The following CLK1 variants were observed in gnomAD, a reference collection of about 807,000 sequenced individuals.
The protein encoded by CLK1 is dual specificity protein kinase CLK1.
In CLK1, 40 loss-of-function variants were observed where a neutral mutation model predicts 60.9. The ratio of observed to expected loss-of-function variants is 0.66; its 90% confidence interval spans 0.51 to 0.86. The LOEUF is 0.86. Among genes scored for constraint, CLK1 ranks in the 40% least tolerant of loss-of-function variants. The probability of loss-of-function intolerance (pLI) is 0.00; values close to 1 mark genes in which losing one functional copy is unlikely to be tolerated. For synonymous variants in CLK1, 203 were observed against 184.4 expected (o/e 1.10, Z -0.82); for missense variants, 563 against 606.1 (o/e 0.93, Z 0.75).
chr2:200,861,572 A>T (rs2039139544), intron 2 of CLK1, 106 bp from the exon 3 acceptor site: 1 of 1,554,210 alleles, frequency 6.4e-7, no homozygotes, highest in Admixed American at 1.9e-5. Context: ...TAATTTTACA[A>T]ACATTACAAA....
chr2:200,864,140 A>C, intron 1 of CLK1: 2 of 1,551,434 alleles, frequency 1.3e-6, no homozygotes, highest in Non-Finnish European at 1.7e-6. Context: ...GCTCACGCAC[A>C]TTCTGGAACC....
Position 200,854,982 on chromosome 2 carries a change from GAAAT to G in CLK1, c.1140+18_1140+21del. ...CACCTTTCTTGTGCAAAGCAAGGTTGAAATAGATCATTGTCACTTACTGGAAATA... is the reference window on the plus strand; with the variant it reads ...CACCTTTCTTGTGCAAAGCAAGGTTGAGATCATTGTCACTTACTGGAAATA... On this transcript the variant is annotated intron_variant, in intron 10 of 12. Coordinates refer to ENST00000321356, the MANE Select transcript of CLK1 (RefSeq NM_004071.4). 6.3e-7 allele frequency: 1 copy of G among 1,580,854 alleles called. No individual in the cohort carries two copies. Among genetic ancestry groups the G allele is most frequent in the Non-Finnish European group, 8.6e-7 (1 of 1,157,742 alleles).
Position 200,853,402 on chromosome 2 carries a change from G to A in CLK1, c.1359C>T (p.Leu453=), listed in dbSNP as rs759355723. ...GATCATACTCCAACATTTTCTGAATGAGGTCAAAGAGACGCTCATGTTCAA... is the reference window on the plus strand; with the variant it reads ...GATCATACTCCAACATTTTCTGAATAAGGTCAAAGAGACGCTCATGTTCAA... ...QDVEHERLFD[L]IQKMLEYDPA... is the part of the protein sequence containing the mutation. The change falls in exon 13 of 13, where the codon CTC becomes CTT. Residue 453 remains leucine (L), a synonymous_variant. Transcript: ENST00000321356. The A allele has an allele frequency of 2.5e-6, 4 of 1,612,710 alleles. No individual in the cohort carries two copies. The South Asian group carries it at 3.3e-5, about 13-fold the overall frequency.
At position 200,856,820 on chromosome 2, in the gene CLK1, C is replaced by A. The variant is rs764064194; in HGVS notation, c.928-9G>T. The A allele has an allele frequency of 1.9e-6, 3 of 1,612,198 alleles. No homozygotes were observed. The highest frequency in any genetic ancestry group is 2.5e-6 in the Non-Finnish European group (3 of 1,179,016). ...GTGCGTTCATCACGTTTCTGAAAAT[C>A]ATAAATGATGGTTAAGAAGGCATAA... On this transcript the variant is annotated splice_polypyrimidine_tract_variant and intron_variant, in intron 8 of 12. Coordinates refer to ENST00000321356, the MANE Select transcript of CLK1 (RefSeq NM_004071.4).
In CLK1 at chr2:200,854,689, CG is replaced by C; in HGVS notation, c.1146del (p.His382GlnfsTer7). On this transcript the variant is annotated frameshift_variant, in exon 11 of 13. Coordinates refer to ENST00000321356, the MANE Select transcript of CLK1 (RefSeq NM_004071.4). LOFTEE classifies it high-confidence loss of function. ...ATCATTGCTAAATGCTCCTTACTATCGTGTGTCTAGAAATAAAATAAAAACA... is the reference window on the plus strand; with the variant it reads ...ATCATTGCTAAATGCTCCTTACTATCTGTGTCTAGAAATAAAATAAAAACA... ...YYLGFTVFPT[H>X]DSKEHLAMME... is the part of the protein sequence containing the mutation. The C allele has an allele frequency of 6.2e-7, 1 of 1,600,830 alleles. No homozygotes were observed.
At chr2:200,861,527 T>C in intron 2 of CLK1, 61 bp from the exon 3 acceptor site, 1 of 1,588,964 alleles carries the variant, frequency 6.3e-7, no homozygotes, top group Non-Finnish European at 8.6e-7. Context: ...TCACATTCTC[T>C]TCAAGACAGC....
At chr2:200,854,369 A>G (rs1167455819) in intron 11 of CLK1, among the ~76,000 whole-genome samples, 1 of 151,982 alleles carries the variant, frequency 6.6e-6, no homozygotes, top group Non-Finnish European at 1.5e-5. Flanking sequence ...CCTTGTCTCT[A>G]CTAAAAATAC....
In CLK1 at chr2:200,858,069, A is replaced by G. The variant is rs2039072809; in HGVS notation, c.569T>C (p.Val190Ala). The G allele has an allele frequency of 6.2e-7, 1 of 1,612,312 alleles. No individual in the cohort carries two copies. The highest frequency in any genetic ancestry group is 1.3e-5 in the African/African-American group (1 of 75,020). ...DHKAGGRHVA[V>A]KIVKNVDRYC... is the part of the protein sequence containing the mutation. The stretch of plus-strand genomic sequence containing the variant: ...TCTATCCACATTTTTAACTATTTTT[A>G]CTGCTACATGTCTACCTCCCCTGTT... Residue 190 changes from valine (V) to alanine (A), a missense_variant, in exon 6 of 13, where the codon GTA becomes GCA. By Grantham distance (64) the Val-to-Ala change is moderately conservative (BLOSUM62 0). Coordinates refer to ENST00000321356, the MANE Select transcript of CLK1 (RefSeq NM_004071.4).
intron 4 of CLK1, 176 bp downstream of exon 4, chr2:200,859,949 C>T: frequency 1.4e-6 from 2 of 1,428,684 alleles, no homozygotes; most frequent in South Asian, 1.6e-5. Context: ...TTCTATATAA[C>T]AAACATTACA....
intron 3 of CLK1, chr2:200,860,651 T>C: frequency 2.0e-6 from 2 of 997,348 alleles, no homozygotes; most frequent in Non-Finnish European, 2.4e-6. Flanking sequence ...AGAAAACAAA[T>C]ATTATAACAG....
chr2:200,861,440 T>C lies in CLK1; in HGVS notation c.188A>G (p.Asn63Ser), dbSNP rs975754539. The C allele has an allele frequency of 6.2e-7, 1 of 1,613,458 alleles. No homozygotes were observed. Among genetic ancestry groups the C allele is most frequent in the Non-Finnish European group, 8.5e-7 (1 of 1,179,856 alleles). The change falls in exon 3 of 13, where the codon AAT (asparagine) becomes AGT (serine). Residue 63 changes from asparagine to serine, a missense_variant. Asn to Ser is a conservative substitution (Grantham distance 46). This residue lies in a region of CLK1 where 198 missense variants were observed against 179.2 expected (regional missense o/e 1.10). Coordinates refer to ENST00000321356, the MANE Select transcript of CLK1 (RefSeq NM_004071.4). Reference protein sequence around the residue: ...DSHYLESRSINEKDYHSRRYI... With the variant: ...DSHYLESRSISEKDYHSRRYI... Reference sequence around the variant, plus strand: ...GCGTCGACTATGATAATCTTTCTCATTTATAGACCTGCTTTCCAAATAATG... The same window carrying C: ...GCGTCGACTATGATAATCTTTCTCACTTATAGACCTGCTTTCCAAATAATG...
intron 5 of CLK1, 107 bp from the exon 6 acceptor site, chr2:200,858,196 A>C: frequency 1.2e-6 from 1 of 808,582 alleles, no homozygotes; most frequent in Non-Finnish European, 2.1e-6. Context: ...TATTTTTTTA[A>C]TTTATGGTTT....
rs775676991 is a variant in CLK1, at chr2:200,854,708, T to A, written c.1141-13A>T. 2 of 1,574,594 alleles carry A rather than the reference T, an allele frequency of 1.3e-6. No homozygotes were observed. Among genetic ancestry groups the A allele is most frequent in the Non-Finnish European group, 1.7e-6 (2 of 1,145,910 alleles). ...TACTATCGTGTGTCTAGAAATAAAA[T>A]AAAAACAGACTTGGGGAAGATGACC... On this transcript the variant is annotated splice_polypyrimidine_tract_variant and intron_variant, in intron 10 of 12. Coordinates refer to ENST00000321356, the MANE Select transcript of CLK1 (RefSeq NM_004071.4).
chr2:200,861,203 A>G (rs778609912), intron 3 of CLK1, 35 bp downstream of exon 3: 44 of 1,602,022 alleles, frequency 2.7e-5, no homozygotes, highest in Non-Finnish European at 3.7e-5. Context: ...CACATGGGAT[A>G]TAAAATTTCC....
At chr2:200,854,159 C>T (rs555365009) in intron 11 of CLK1, 166 bp from the exon 12 acceptor site, 7 of 502,804 alleles carry the variant, frequency 1.4e-5, no homozygotes, top group African/African-American at 1.0e-4. Context: ...TACTATTTAA[C>T]TGAAAAAATA....
rs774751838 is a variant in CLK1, at chr2:200,855,013, G to A, written c.1131C>T (p.Thr377=). The change falls in exon 10 of 13, where the codon ACC becomes ACT. Residue 377 remains threonine (T), a synonymous_variant. Transcript: ENST00000321356. ...GATCATTGTCACTTACTGGAAATAC[G>A]GTAAACCCAAGATAGTATTCAATAA... ...CILIEYYLGF[T]VFPTHDSKEH... is the part of the protein sequence containing the mutation. 19 of 1,610,644 alleles carry A rather than the reference G, an allele frequency of 1.2e-5. No homozygotes were observed. Among genetic ancestry groups the A allele is most frequent in the Admixed American group, 6.7e-5 (4 of 59,506 alleles).
chr2:200,857,970 T>G lies in CLK1; in HGVS notation c.665+3A>C. 2 of 1,613,310 alleles carry G rather than the reference T, an allele frequency of 1.2e-6. No individual in the cohort carries two copies. Among genetic ancestry groups the G allele is most frequent in the Non-Finnish European group, 1.7e-6 (2 of 1,179,314 alleles). On this transcript the variant is annotated splice_donor_region_variant and intron_variant, in intron 6 of 12. Coordinates refer to ENST00000321356, the MANE Select transcript of CLK1 (RefSeq NM_004071.4). ...ACTTCCCAAGTTCTAATCTGATACT[T>G]ACAAAGTACTGTTGGGGTCTGTTGT...
rs539326102 is a variant in CLK1 at position 200,859,391 on chromosome 2, T to TG, written c.548+288dup. ...CCAAGGCTGAGAACCACTAATATGG[T>TG]GGGGGAAAAAAATATGGCCTAACAA... On this transcript the variant is annotated intron_variant, in intron 5 of 12. Transcript: ENST00000321356. Among the ~76,000 whole-genome samples the TG allele has an allele frequency of 2.0e-4, 31 of 151,812 alleles. No individual in the cohort carries two copies. The South Asian group carries it at 5.4e-3, about 26-fold the overall frequency.
chr2:200,860,957 T>C, intron 3 of CLK1: 11 of 1,185,716 alleles, frequency 9.3e-6, no homozygotes, highest in Non-Finnish European at 1.0e-5. Flanking sequence ...CCTTTTAGAA[T>C]ATTTTGTAAT....
Sources: allele counts gnomAD v4.1 joint callset (sites outside exome capture counted in the v4.1 genomes callset), GRCh38; gene constraint gnomAD v4.1.1; regional missense constraint gnomAD v4.1.1; transcripts MANE v1.5; gene names NCBI Gene and HGNC (gene_info 2026-07-23, HGNC 2026-07-21).